MAP2K3: variants seen among roughly 807,000 people sequenced by gnomAD.
The protein encoded by MAP2K3 is dual specificity mitogen-activated protein kinase kinase 3.
In MAP2K3, 30 loss-of-function variants were observed where a neutral mutation model predicts 46.4. The ratio of observed to expected loss-of-function variants is 0.65; its 90% CI spans 0.48 to 0.88. The LOEUF (loss-of-function observed/expected upper bound fraction) is 0.88, where lower values mean the gene tolerates loss of function less well. Ranked by LOEUF, MAP2K3 falls within the 40% of genes least tolerant of loss-of-function variation. The probability of loss-of-function intolerance (pLI) is 0.00; values close to 1 mark genes in which losing one functional copy is unlikely to be tolerated. For missense variants in MAP2K3, 380 were observed against 464.5 expected, an observed-to-expected ratio of 0.82 and a Z score of 1.67; for synonymous variants, 189 against 176.3, an observed-to-expected ratio of 1.07 and a Z score of -0.57.
chr17:21,284,883 A>G lies in MAP2K3; in HGVS notation c.-38A>G, dbSNP rs1975681708. 1 of 1,609,618 alleles carries G rather than the reference A, an allele frequency of 6.2e-7. No homozygotes were observed. The highest frequency in any genetic ancestry group is 1.7e-5 in the Admixed American group (1 of 59,768). ...GCCCCGGTGGAGCCCGCAGTCCTCT[A>G]GATTAGTCTCCACCGCCGTCCAGGA... On this transcript the variant is annotated 5_prime_UTR_variant, in exon 1 of 12. Coordinates refer to ENST00000342679, the MANE Select transcript of MAP2K3 (RefSeq NM_145109.3).
rs368110904 is a variant in MAP2K3, at chr17:21,313,540, G to C, written c.960+3G>C. The C allele has an allele frequency of 1.6e-5, 25 of 1,569,442 alleles. No homozygotes were observed. The highest frequency in any genetic ancestry group is 2.2e-5 in the Non-Finnish European group (25 of 1,153,172). On this transcript the variant is annotated splice_donor_region_variant and intron_variant, in intron 11 of 11. Coordinates refer to ENST00000342679, the MANE Select transcript of MAP2K3 (RefSeq NM_145109.3). The stretch of plus-strand genomic sequence containing the variant: ...GTATGAGCTACCTGGAGCTGATGGT[G>C]AGTATGGGCGGGAGGTGCCTGCCCT...
chr17:21,301,944 C>T (rs184173801), intron 5 of MAP2K3, among the ~76,000 whole-genome samples, 199 bp from the exon 6 acceptor site: 2 of 152,272 alleles, frequency 1.3e-5, no homozygotes, highest in African/African-American at 2.4e-5. Flanking sequence ...GGCGCCCGAA[C>T]CTGGCAGTGC....
chr17:21,303,328 C>A, intron 7 of MAP2K3, 94 bp downstream of exon 7: 1 of 1,559,416 alleles, frequency 6.4e-7, no homozygotes, highest in Non-Finnish European at 8.7e-7. Flanking sequence ...AACTGTGGCT[C>A]CGAGAGGTGA....
At chr17:21,307,244 T>G (rs1976934948) in intron 9 of MAP2K3, among the ~76,000 whole-genome samples, 1 of 152,312 alleles carries the variant, frequency 6.6e-6, no homozygotes, top group Admixed American at 6.5e-5. Context: ...CTCATTAGCA[T>G]AAACTCAGGC....
In MAP2K3 at chr17:21,300,990, A is replaced by G; in HGVS notation, c.396A>G (p.Arg132=). 1 of 1,614,162 alleles carries G rather than the reference A, an allele frequency of 6.2e-7. No homozygotes were observed. The highest frequency in any genetic ancestry group is 1.1e-5 in the South Asian group (1 of 91,082). The change falls in exon 5 of 12, where the codon AGA becomes AGG. Residue 132 remains arginine (R), a synonymous_variant. Transcript: ENST00000342679. ...YTVTFYGALF[R]EGDVWICMEL... ...TCACCTTCTACGGGGCACTATTCAG[A>G]GAGGTGCGTCCTTGCATGATGCAGC...
intron 1 of MAP2K3, among the ~76,000 whole-genome samples, chr17:21,297,975 A>G (rs1976355015): frequency 6.6e-6 from 1 of 152,276 alleles, no homozygotes; most frequent in Non-Finnish European, 1.5e-5. Context: ...TCTTGGATGC[A>G]GTATGAGCCC....
At chr17:21,296,907 G>A (rs5023538) in intron 1 of MAP2K3, among the ~76,000 whole-genome samples, 4 of 118 alleles carry the variant, frequency 0.034, no homozygotes, top group Admixed American at 0.083. Flanking sequence ...GGCAGCTGCT[G>A]CTGCTGCTGC....
At chr17:21,313,990 G>C in intron 11 of MAP2K3, 157 bp from the exon 12 acceptor site, 2 of 672,770 alleles carry the variant, frequency 3.0e-6, no homozygotes, top group Admixed American at 4.4e-5. Context: ...TGCCATCTGT[G>C]ACAGTCATGG....
At chr17:21,313,643 G>A (rs1567678195) in intron 11 of MAP2K3, 106 bp downstream of exon 11, 3 of 948,938 alleles carry the variant, frequency 3.2e-6, no homozygotes, top group Non-Finnish European at 4.9e-6. Context: ...TAGCTCCTCT[G>A]GCTGGCCCTG....
intron 1 of MAP2K3, chr17:21,295,652 T>G (rs750271145): frequency 7.8e-7 from 1 of 1,289,484 alleles, no homozygotes; most frequent in East Asian, 5.5e-5. Flanking sequence ...GCCCTCCTGA[T>G]GCAGGCTTGG....
At chr17:21,300,679 G>T (rs1227908447) in intron 4 of MAP2K3, 21 bp downstream of exon 4, 2 of 1,601,966 alleles carry the variant, frequency 1.2e-6, no homozygotes, top group African/African-American at 1.3e-5. Flanking sequence ...CCTGGAGGCA[G>T]CTGGGAGGGC....
chr17:21,296,404 T>C (rs1004447013), intron 1 of MAP2K3, among the ~76,000 whole-genome samples: 2 of 152,310 alleles, frequency 1.3e-5, no homozygotes, highest in Non-Finnish European at 2.9e-5. Context: ...CTGTGTGCCA[T>C]GGTTTTTCCT....
intron 1 of MAP2K3, chr17:21,295,738 AT>A: frequency 7.8e-7 from 1 of 1,281,258 alleles, no homozygotes; most frequent in Non-Finnish European, 1.0e-6. Flanking sequence ...GTCCCCACCC[AT>A]CCAGCCCATA....
rs545687439 is a variant in MAP2K3 at position 21,285,082 on chromosome 17, C to T, written c.49+113C>T. 5 of 1,415,834 alleles carry T rather than the reference C, an allele frequency of 3.5e-6. No homozygotes were observed. In the South Asian group the frequency reaches 5.2e-5, roughly 15 times the overall value. The allele number at this position is 1,415,834 out of a possible 1,614,324, so 87.7% of individuals were successfully genotyped here. A position where few individuals can be genotyped will look rare whatever the true frequency, so the allele number is the denominator to read the frequency against. ...CATCCTGTTCTCGACCTGGCAGCGG[C>T]GTCCGGTCCCGGAACCCCTTCCTGT... On this transcript the variant is annotated intron_variant, in intron 1 of 11. Transcript: ENST00000342679.
intron 1 of MAP2K3, among the ~76,000 whole-genome samples, chr17:21,286,297 A>T (rs1567654986): frequency 6.6e-6 from 1 of 152,364 alleles, no homozygotes; most frequent in East Asian, 1.9e-4. Flanking sequence ...CAGAGTGAGC[A>T]GGAGGAAGCA....
At chr17:21,293,940 C>A (rs536520683) in intron 1 of MAP2K3, among the ~76,000 whole-genome samples, 17 of 152,408 alleles carry the variant, frequency 1.1e-4, no homozygotes, top group African/African-American at 3.8e-4. Flanking sequence ...AGGTGCATGG[C>A]CACCCCCTGC....
Position 21,289,605 on chromosome 17 carries a change from C to T in MAP2K3, c.49+4636C>T, listed in dbSNP as rs558569656. Reference sequence around the variant, plus strand: ...GCCTGCCCTTGTCCGCGCCTCCTGGCGCTGCCCACCTCCATCAGGCCTGTG... The same window carrying T: ...GCCTGCCCTTGTCCGCGCCTCCTGGTGCTGCCCACCTCCATCAGGCCTGTG... On this transcript the variant is annotated intron_variant, in intron 1 of 11. Transcript: ENST00000342679. 5.9e-5 allele frequency among the ~76,000 whole-genome samples: 9 copies of T among 152,346 alleles called. No homozygotes were observed. In the South Asian group the frequency reaches 6.2e-4, roughly 11 times the overall value.
At position 21,311,049 on chromosome 17, in the gene MAP2K3, A is replaced by G. The variant is rs4021719; in HGVS notation, c.775-1093A>G. Among the ~76,000 whole-genome samples the G allele has an allele frequency of 1.2e-4, 18 of 152,292 alleles. No homozygotes were observed. The East Asian group carries it at 1.5e-3, about 13-fold the overall frequency. Reference sequence around the variant, plus strand: ...GTACGGTTTTGTCCTGTGAACACGCATGCACACATGCACACACACGCAGTG... The same window carrying G: ...GTACGGTTTTGTCCTGTGAACACGCGTGCACACATGCACACACACGCAGTG... On this transcript the variant is annotated intron_variant, in intron 9 of 11. Transcript: ENST00000342679.
rs1456640869 is a variant in MAP2K3, at chr17:21,313,477, A to G, written c.915-15A>G. The G allele has an allele frequency of 1.2e-6, 2 of 1,611,812 alleles. No homozygotes were observed. Among genetic ancestry groups the G allele is most frequent in the East Asian group, 2.2e-5 (1 of 44,810 alleles). On this transcript the variant is annotated splice_polypyrimidine_tract_variant and intron_variant, in intron 10 of 11. Coordinates refer to ENST00000342679, the MANE Select transcript of MAP2K3 (RefSeq NM_145109.3). Reference sequence around the variant, plus strand: ...TCCCTGCCAGCCTGGCCACAGCTGCACTATTCTCTCCTAGCCTGAGGAAGA... The same window carrying G: ...TCCCTGCCAGCCTGGCCACAGCTGCGCTATTCTCTCCTAGCCTGAGGAAGA...
Sources: gnomAD v4.1 joint callset for allele counts (sites outside exome capture counted in the v4.1 genomes callset) on GRCh38, gnomAD v4.1.1 for gene constraint, MANE v1.5 for transcripts, NCBI Gene and HGNC (gene_info 2026-07-23, HGNC 2026-07-21) for gene names.